Variants in RPTOR observed in about 807,000 individuals in gnomAD.
RPTOR encodes regulatory-associated protein of mTOR.
In RPTOR, 21 loss-of-function variants were observed where a neutral mutation model predicts 169.9. That is an observed-to-expected ratio of 0.12 (90% CI 0.09 to 0.18). The LOEUF is 0.18. Among genes scored for constraint, RPTOR ranks in the 10% least tolerant of loss-of-function variants. RPTOR has a pLI of 1.00. For synonymous variants in RPTOR, 732 were observed against 753.2 expected, an observed-to-expected ratio of 0.97 and a Z score of 0.46; for missense variants, 1,133 against 1,855.9, an observed-to-expected ratio of 0.61 and a Z score of 7.16.
chr17:80,854,911 A>C (rs979250032), intron 11 of RPTOR, among the ~76,000 whole-genome samples: 2 of 152,200 alleles, frequency 1.3e-5, no homozygotes, highest in African/African-American at 4.8e-5. Context: ...ATAAATAAAA[A>C]TGGTAAAAGT....
At chr17:80,556,566 G>A (rs2084410907) in intron 1 of RPTOR, among the ~76,000 whole-genome samples, 1 of 152,162 alleles carries the variant, frequency 6.6e-6, no homozygotes, top group South Asian at 2.1e-4. Context: ...GGCGGCTGCA[G>A]TAGGAATGGA....
At chr17:80,759,585 G>A (rs150421472) in intron 6 of RPTOR, among the ~76,000 whole-genome samples, 62 of 152,102 alleles carry the variant, frequency 4.1e-4, no homozygotes, top group Non-Finnish European at 8.1e-4. Context: ...TTTGCTAGGT[G>A]TCTATGGCCT....
chr17:80,670,846 C>T (rs948363479), intron 3 of RPTOR, among the ~76,000 whole-genome samples: 2 of 152,102 alleles, frequency 1.3e-5, no homozygotes, highest in Non-Finnish European at 2.9e-5. Flanking sequence ...AAACCCTCCC[C>T]GGTAGCCACA....
At chr17:80,603,177 A>T (rs926010305) in intron 1 of RPTOR, among the ~76,000 whole-genome samples, 2 of 152,216 alleles carry the variant, frequency 1.3e-5, no homozygotes, top group Admixed American at 1.3e-4. Flanking sequence ...TACCCAGACA[A>T]TGTAACCTGT....
chr17:80,667,393 A>G (rs1036808581), intron 3 of RPTOR, among the ~76,000 whole-genome samples: 8 of 152,160 alleles, frequency 5.3e-5, no homozygotes, highest in East Asian at 1.9e-4. Context: ...ATTTGTTCCT[A>G]CTGGAATAAG....
chr17:80,587,175 T>G (rs2065068498), intron 1 of RPTOR, among the ~76,000 whole-genome samples: 1 of 152,264 alleles, frequency 6.6e-6, no homozygotes, highest in Non-Finnish European at 1.5e-5. Context: ...AGTTCCCCTT[T>G]CCTGGTTGTG....
chr17:80,880,224 CCTT>C (rs1401894186), intron 13 of RPTOR, among the ~76,000 whole-genome samples, 188 bp from the exon 14 acceptor site: 1 of 152,164 alleles, frequency 6.6e-6, no homozygotes, highest in East Asian at 1.9e-4. Context: ...GGATCCCTCC[CCTT>C]CTTAGCCAAG....
At chr17:80,572,665 C>T (rs1467949754) in intron 1 of RPTOR, among the ~76,000 whole-genome samples, 1 of 152,076 alleles carries the variant, frequency 6.6e-6, no homozygotes, top group Non-Finnish European at 1.5e-5. Flanking sequence ...TTCCAGGCTG[C>T]AGTGAGTCGA....
chr17:80,873,732 T>C (rs913979305), intron 13 of RPTOR, among the ~76,000 whole-genome samples: 3 of 152,224 alleles, frequency 2.0e-5, no homozygotes, highest in African/African-American at 7.2e-5. Context: ...AGTTTCTTTG[T>C]GCAGAGATGT....
intron 1 of RPTOR, among the ~76,000 whole-genome samples, chr17:80,579,024 C>T (rs1447169260): frequency 1.3e-5 from 2 of 152,102 alleles, no homozygotes; most frequent in Non-Finnish European, 2.9e-5. Flanking sequence ...TGCTTTGTCC[C>T]CTTGCAACTT....
At position 80,792,788 on chromosome 17, in the gene RPTOR, T is replaced by C. The variant is rs186980373; in HGVS notation, c.890+1279T>C. 2.6e-5 allele frequency among the ~76,000 whole-genome samples: 4 copies of C among 152,278 alleles called. No individual in the cohort carries two copies. In the East Asian group the frequency reaches 7.7e-4, roughly 29 times the overall value. ...TGCGAAGCTGTTCTTGAGATCTGTT[T>C]ACTGGTATTGCTGTGCGCTTTCTTT... On this transcript the variant is annotated intron_variant, in intron 7 of 33. Coordinates refer to ENST00000306801, the MANE Select transcript of RPTOR (RefSeq NM_020761.3).
chr17:80,944,107 A>G (rs2144048111), intron 25 of RPTOR, among the ~76,000 whole-genome samples: 1 of 152,238 alleles, frequency 6.6e-6, no homozygotes, highest in Non-Finnish European at 1.5e-5. Flanking sequence ...TTCTAGAAAA[A>G]AGCCTTTTAG....
rs754689340 is a variant in RPTOR at position 80,925,457 on chromosome 17, T to C, written c.2896T>C (p.Tyr966His). 4 of 1,613,354 alleles carry C rather than the reference T, an allele frequency of 2.5e-6. No individual in the cohort carries two copies. The African/African-American group carries it at 5.3e-5, about 22-fold the overall frequency. ...GGGGTTCTGCGACTGGAGCGCCCGC[T>C]ATTTTGCCCAGCCCGTCATGAAGGT... ...QTGFCDWSAR[Y>H]FAQPVMKIPE... The change falls in exon 24 of 34, where the codon TAT (tyrosine) becomes CAT (histidine). Residue 966 changes from tyrosine (Y) to histidine (H), a missense_variant. Coordinates refer to ENST00000306801, the MANE Select transcript of RPTOR (RefSeq NM_020761.3).
At chr17:80,802,350 T>C (rs753192216) in intron 7 of RPTOR, 1 of 152,174 alleles carries the variant, frequency 6.6e-6, no homozygotes, top group Non-Finnish European at 1.5e-5. Flanking sequence ...TCCCAACACT[T>C]TGGGAGTCTG....
chr17:80,852,483 C>A (rs150381470), intron 11 of RPTOR, among the ~76,000 whole-genome samples: 1 of 152,246 alleles, frequency 6.6e-6, no homozygotes, highest in Non-Finnish European at 1.5e-5. Context: ...CCTTTCCCAG[C>A]CTCTTAATCA....
At chr17:80,680,839 C>T (rs951359252) in intron 3 of RPTOR, among the ~76,000 whole-genome samples, 4 of 152,100 alleles carry the variant, frequency 2.6e-5, no homozygotes, top group Admixed American at 2.0e-4. Context: ...TATAAAATCC[C>T]ACGTCGCACG....
chr17:80,835,774 C>T (rs2067556661), intron 9 of RPTOR, among the ~76,000 whole-genome samples: 1 of 152,162 alleles, frequency 6.6e-6, no homozygotes, highest in South Asian at 2.1e-4. Context: ...TATGTATATG[C>T]AAATATTCCA....
At chr17:80,922,047 C>A (rs1379453921) in intron 21 of RPTOR, among the ~76,000 whole-genome samples, 6 of 152,204 alleles carry the variant, frequency 3.9e-5, no homozygotes, top group Non-Finnish European at 8.8e-5. Context: ...GAGCCCAAGC[C>A]CCCTGCAGTC....
At chr17:80,693,485 T>C (rs2066010300) in intron 3 of RPTOR, among the ~76,000 whole-genome samples, 1 of 152,250 alleles carries the variant, frequency 6.6e-6, no homozygotes, top group African/African-American at 2.4e-5. Flanking sequence ...CTGCCTCTTC[T>C]GCAAATTAAG....
Sources: gnomAD v4.1 joint callset for allele counts (sites outside exome capture counted in the v4.1 genomes callset) on GRCh38, gnomAD v4.1.1 for gene constraint, MANE v1.5 for transcripts, NCBI Gene and HGNC (gene_info 2026-07-23, HGNC 2026-07-21) for gene names.